Variants in SYTL2 observed in about 807,000 individuals in gnomAD.
SYTL2 encodes synaptotagmin like 2.
SYTL2 carries 165 observed loss-of-function variants against 198.7 expected under a neutral mutation model. The ratio of observed to expected loss-of-function variants is 0.83; its 90% CI spans 0.73 to 0.94. The LOEUF (loss-of-function observed/expected upper bound fraction) is 0.94, where lower values mean the gene tolerates loss of function less well. SYTL2 is among the 40% of genes least tolerant of loss of function. The probability of loss-of-function intolerance (pLI) is 0.00; values close to 1 mark genes in which losing one functional copy is unlikely to be tolerated. For missense variants in SYTL2, 2,835 were observed against 2,582.8 expected (o/e 1.10, Z -2.12); for synonymous variants, 966 against 917.7 (o/e 1.05, Z -0.95).
intron 7 of SYTL2, among the ~76,000 whole-genome samples, chr11:85,728,567 G>A (rs1333598754): frequency 6.6e-6 from 1 of 152,114 alleles, no homozygotes; most frequent in East Asian, 1.9e-4. Context: ...TTACAGTCAT[G>A]AGCCACCACA....
At chr11:85,850,284 T>C in the SYTL2 span, among the ~76,000 whole-genome samples, 5 of 151,756 alleles carry the variant, frequency 3.3e-5, no homozygotes, top group East Asian at 9.7e-4. Context: ...TTTATTTCCT[T>C]CTCCTGCCTA....
intron 16 of SYTL2, 133 bp downstream of exon 16, chr11:85,704,720 CTTTCT>C: frequency 1.7e-6 from 1 of 602,908 alleles, no homozygotes; most frequent in Non-Finnish European, 2.7e-6. Context: ...CCTTTTTTAC[CTTTCT>C]TTTTTTTCCT....
chr11:85,716,816 A>C (rs1336300526), intron 11 of SYTL2, among the ~76,000 whole-genome samples: 1 of 152,092 alleles, frequency 6.6e-6, no homozygotes, highest in Non-Finnish European at 1.5e-5. Context: ...TAAGTAGAGT[A>C]ATCTTAAGAT....
the SYTL2 span, among the ~76,000 whole-genome samples, chr11:85,828,331 A>T: frequency 1.3e-5 from 2 of 152,256 alleles, no homozygotes; most frequent in Non-Finnish European, 2.9e-5. Context: ...AATTATTAGT[A>T]TGTAGGCAGT....
intron 3 of SYTL2, 38 bp downstream of exon 3, chr11:85,748,234 G>A (rs192149129): frequency 1.1e-5 from 17 of 1,593,286 alleles, no homozygotes; most frequent in East Asian, 2.2e-5. Flanking sequence ...CTTCCCAAAC[G>A]AATGCTTGTT....
chr11:85,728,007 T>A (rs2089408657), intron 7 of SYTL2, 40 bp from the exon 8 acceptor site: 2 of 1,507,928 alleles, frequency 1.3e-6, no homozygotes, highest in East Asian at 2.3e-5. Flanking sequence ...GAAAAGAGCA[T>A]GCTTAAAGAA....
At chr11:85,822,145 G>A in the SYTL2 span, among the ~76,000 whole-genome samples, 1 of 152,206 alleles carries the variant, frequency 6.6e-6, no homozygotes, top group African/African-American at 2.4e-5. Flanking sequence ...GATCAGAGAG[G>A]TGAAGGGATT....
chr11:85,790,438 C>A (rs2153624521), intron 1 of SYTL2, among the ~76,000 whole-genome samples: 1 of 152,308 alleles, frequency 6.6e-6, no homozygotes, highest in African/African-American at 2.4e-5. Flanking sequence ...TGCTTTACTG[C>A]ATAATATAAA....
intron 13 of SYTL2, among the ~76,000 whole-genome samples, chr11:85,710,647 T>A (rs554608189): frequency 7.2e-5 from 11 of 152,350 alleles, no homozygotes; most frequent in African/African-American, 2.2e-4. Flanking sequence ...TATTTCCTTT[T>A]AAAATGCTGC....
chr11:85,748,152 A>ATTATGAAAAGTGTACATCCAAATGAT, intron 3 of SYTL2, 120 bp downstream of exon 3: 1 of 1,161,150 alleles, frequency 8.6e-7, no homozygotes. Flanking sequence ...AGGGCCACAC[A>ATTATGAAAAGTGTACATCCAAATGAT]TTATGAAAAG....
chr11:85,828,544 CTCTG>C, the SYTL2 span, among the ~76,000 whole-genome samples: 1 of 152,208 alleles, frequency 6.6e-6, no homozygotes, highest in African/African-American at 2.4e-5. Context: ...TATTTACATT[CTCTG>C]TCTATCTCTA....
intron 9 of SYTL2, chr11:85,719,260 T>G: frequency 8.5e-7 from 1 of 1,172,766 alleles, no homozygotes; most frequent in Non-Finnish European, 1.1e-6. Flanking sequence ...CACATATGCC[T>G]CTGGGAGGCT....
At chr11:85,850,674 G>T in the SYTL2 span, among the ~76,000 whole-genome samples, 2 of 150,990 alleles carry the variant, frequency 1.3e-5, no homozygotes. Context: ...TTCCATTACT[G>T]GGTATATACC....
intron 1 of SYTL2, among the ~76,000 whole-genome samples, chr11:85,770,391 C>A (rs146634747): frequency 6.6e-6 from 1 of 152,104 alleles, no homozygotes; most frequent in African/African-American, 2.4e-5. Context: ...ACTCCTGGTT[C>A]TCCCTCATTT....
chr11:85,727,359 T>A lies in SYTL2; in HGVS notation c.1999A>T (p.Ser667Cys). Reference protein sequence around the residue: ...GKGNGASPSNSNYSYSVLKES... With the variant: ...GKGNGASPSNCNYSYSVLKES... Reference sequence around the variant, plus strand: ...TTGAGAACACTGTAGGAATAGTTACTATTTGAAGGAGATGCCCCATTCCCT... The same window carrying A: ...TTGAGAACACTGTAGGAATAGTTACAATTTGAAGGAGATGCCCCATTCCCT... The change falls in exon 8 of 20, where the codon AGT (serine) becomes TGT (cysteine). Residue 667 changes from serine to cysteine, a missense_variant. Physicochemically the swap from Ser to Cys is moderately radical, Grantham distance 112. Coordinates refer to ENST00000359152, the MANE Select transcript of SYTL2 (RefSeq NM_206927.4). 6.5e-7 allele frequency: 1 copy of A among 1,536,288 alleles called. No homozygotes were observed. Among genetic ancestry groups the A allele is most frequent in the Non-Finnish European group, 8.7e-7 (1 of 1,146,932 alleles).
chr11:85,704,848 C>T lies in SYTL2; in HGVS notation c.6189+10G>A, dbSNP rs754357996. The T allele has an allele frequency of 2.5e-6, 4 of 1,609,256 alleles. No individual in the cohort carries two copies. The highest frequency in any genetic ancestry group is 3.4e-6 in the Non-Finnish European group (4 of 1,177,166). On this transcript the variant is annotated intron_variant, in intron 16 of 19. Coordinates refer to ENST00000359152, the MANE Select transcript of SYTL2 (RefSeq NM_206927.4). ...CAACCAAATAAACAAACAAAAAATT[C>T]CGGACTCACCTTCCGCTTCAGAGGG...
intron 4 of SYTL2, among the ~76,000 whole-genome samples, chr11:85,739,657 T>C (rs568901595): frequency 3.3e-5 from 5 of 152,326 alleles, no homozygotes; most frequent in East Asian, 1.9e-4. Context: ...TTATTCTCAA[T>C]TGATCCTTGC....
chr11:85,725,803 T>G lies in SYTL2; in HGVS notation c.3555A>C (p.Lys1185Asn). 1 of 1,614,158 alleles carries G rather than the reference T, an allele frequency of 6.2e-7. No individual in the cohort carries two copies. Among genetic ancestry groups the G allele is most frequent in the South Asian group, 1.1e-5 (1 of 91,076 alleles). The change falls in exon 8 of 20, where the codon AAA becomes AAC. Residue 1185 changes from lysine to asparagine, a missense_variant. Coordinates refer to ENST00000359152, the MANE Select transcript of SYTL2 (RefSeq NM_206927.4). The part of the protein sequence containing the change: ...TDFADTEEEV[K>N]GPEKIINEHV... ...GCTCATTAATGATCTTCTCAGGTCCTTTGACTTCTTCCTCAGTATCAGCAA... is the reference window on the plus strand; with the variant it reads ...GCTCATTAATGATCTTCTCAGGTCCGTTGACTTCTTCCTCAGTATCAGCAA...
chr11:85,781,958 T>G (rs1398876951), intron 1 of SYTL2, among the ~76,000 whole-genome samples: 1 of 152,228 alleles, frequency 6.6e-6, no homozygotes, highest in Admixed American at 6.5e-5. Flanking sequence ...TCTACCATTC[T>G]GGGGTCTGGA....
Sources: gnomAD v4.1 joint callset for allele counts (sites outside exome capture counted in the v4.1 genomes callset) on GRCh38, gnomAD v4.1.1 for gene constraint, MANE v1.5 for transcripts, NCBI Gene and HGNC (gene_info 2026-07-23, HGNC 2026-07-21) for gene names.